PPM1L: variants seen among roughly 807,000 people sequenced by gnomAD.
PPM1L encodes protein phosphatase 1L.
Under a neutral mutation model 31.4 loss-of-function variants are expected in PPM1L, and 13 were observed. The ratio of observed to expected loss-of-function variants is 0.41; its 90% CI spans 0.27 to 0.66. The LOEUF (loss-of-function observed/expected upper bound fraction) is 0.66, where lower values mean the gene tolerates loss of function less well. Among genes scored for constraint, PPM1L ranks in the 30% least tolerant of loss-of-function variants. The probability of loss-of-function intolerance (pLI) is 0.29; values close to 1 mark genes in which losing one functional copy is unlikely to be tolerated. For synonymous variants in PPM1L, 184 were observed against 175.4 expected, an observed-to-expected ratio of 1.05 and a Z score of -0.39; for missense variants, 326 against 453.7, an observed-to-expected ratio of 0.72 and a Z score of 2.56.
At chr3:160,956,783 CTT>C (rs1234288986) in intron 1 of PPM1L, among the ~76,000 whole-genome samples, 1 of 152,212 alleles carries the variant, frequency 6.6e-6, no homozygotes, top group Non-Finnish European at 1.5e-5. Context: ...GAAAACCAGA[CTT>C]TTATTCTCTA....
In PPM1L at chr3:160,877,989, G is replaced by T. The variant is rs182024692; in HGVS notation, c.400-83747G>T. Reference sequence around the variant, plus strand: ...GTAAGCTTTCCTATGTCAGCAGCTCGATTTTACAGGCTGCTCTTTGTTAGA... The same window carrying T: ...GTAAGCTTTCCTATGTCAGCAGCTCTATTTTACAGGCTGCTCTTTGTTAGA... On this transcript the variant is annotated intron_variant, in intron 1 of 3. Transcript: ENST00000498165. Among the ~76,000 whole-genome samples, 106 of 152,298 alleles carry T rather than the reference G, an allele frequency of 7.0e-4. 1 individual carries two copies. The highest frequency in any genetic ancestry group is 3.4e-3 in the Middle Eastern group (1 of 294).
At chr3:160,867,703 G>A (rs950044874) in intron 1 of PPM1L, among the ~76,000 whole-genome samples, 3 of 152,094 alleles carry the variant, frequency 2.0e-5, no homozygotes, top group African/African-American at 7.2e-5. Flanking sequence ...TTAGAAAATA[G>A]CGATAATTTT....
chr3:160,960,558 T>TTGTGTGTG lies in PPM1L; in HGVS notation c.400-1141_400-1134dup, dbSNP rs59297068. Among the ~76,000 whole-genome samples, 13 of 145,574 alleles carry TTGTGTGTG rather than the reference T, an allele frequency of 8.9e-5. No individual in the cohort carries two copies. The South Asian group carries it at 1.1e-3, about 13-fold the overall frequency. ...TTTGTTTGTTCGTTTTTTAGCAGTT[T>TTGTGTGTG]TGTGTGTGTGTGTGTGTGTGTGTGT... On this transcript the variant is annotated intron_variant, in intron 1 of 3. Coordinates refer to ENST00000498165, the MANE Select transcript of PPM1L (RefSeq NM_139245.4).
In PPM1L at chr3:161,068,906, G is replaced by C; in HGVS notation, c.832G>C (p.Val278Leu). The change falls in exon 4 of 4, where the codon GTC becomes CTC. Residue 278 changes from valine (V) to leucine (L), a missense_variant. Val to Leu is a conservative substitution (Grantham distance 32). Transcript: ENST00000498165. ...GDYPLKNLNV[V>L]IPDPDILTFD... ...TTATCCGCTGAAAAATCTCAACGTGGTCATCCCAGACCCAGACATCCTGAC... is the reference window on the plus strand; with the variant it reads ...TTATCCGCTGAAAAATCTCAACGTGCTCATCCCAGACCCAGACATCCTGAC... The C allele has an allele frequency of 6.2e-7, 1 of 1,614,150 alleles. No individual in the cohort carries two copies. The highest frequency in any genetic ancestry group is 2.2e-5 in the East Asian group (1 of 44,878).
chr3:161,031,804 T>G (rs16831796), intron 2 of PPM1L, among the ~76,000 whole-genome samples: 1 of 151,812 alleles, frequency 6.6e-6, no homozygotes. Flanking sequence ...ACCAGACGAT[T>G]CTCTATACCT....
At chr3:160,853,928 T>C (rs1442763286) in intron 1 of PPM1L, among the ~76,000 whole-genome samples, 1 of 152,046 alleles carries the variant, frequency 6.6e-6, no homozygotes, top group African/African-American at 2.4e-5. Context: ...TAATTAACTT[T>C]TCTTTGCCTA....
chr3:161,020,807 T>C (rs1281718137), intron 2 of PPM1L, among the ~76,000 whole-genome samples: 1 of 152,152 alleles, frequency 6.6e-6, no homozygotes, highest in African/African-American at 2.4e-5. Context: ...CTTCTAAGTT[T>C]CATCTACATT....
At chr3:160,944,846 T>C (rs1296775088) in intron 1 of PPM1L, among the ~76,000 whole-genome samples, 1 of 58,978 alleles carries the variant, frequency 1.7e-5, no homozygotes, top group African/African-American at 5.4e-5. Context: ...ATATGTTATA[T>C]ATAACATATA....
intron 2 of PPM1L, among the ~76,000 whole-genome samples, chr3:161,028,726 A>G (rs1487680072): frequency 2.6e-5 from 4 of 152,146 alleles, no homozygotes; most frequent in Non-Finnish European, 5.9e-5. Context: ...ACCAACAACA[A>G]AAAGGCTCTC....
At chr3:160,977,270 C>A (rs541424666) in intron 2 of PPM1L, among the ~76,000 whole-genome samples, 9 of 152,332 alleles carry the variant, frequency 5.9e-5, no homozygotes, top group East Asian at 5.8e-4. Context: ...ACTGGAGGAG[C>A]TCCTGGATGT....
chr3:160,838,949 G>T (rs1371722177), intron 1 of PPM1L, among the ~76,000 whole-genome samples: 1 of 152,170 alleles, frequency 6.6e-6, no homozygotes, highest in East Asian at 1.9e-4. Flanking sequence ...AGTCCTTTGG[G>T]AGATAATTAG....
At chr3:160,767,206 CT>C (rs1715125725) in intron 1 of PPM1L, among the ~76,000 whole-genome samples, 1 of 151,918 alleles carries the variant, frequency 6.6e-6, no homozygotes, top group Non-Finnish European at 1.5e-5. Context: ...GTATGAGCAG[CT>C]GACAGATGAT....
rs941212322 is a variant in PPM1L at position 161,036,740 on chromosome 3, C to T, written c.575-28663C>T. ...ACTAGTCATTATCAACCTGTGGTCACCAGTCAGGGAAGTACATTCGTATTG... is the reference window on the plus strand; with the variant it reads ...ACTAGTCATTATCAACCTGTGGTCATCAGTCAGGGAAGTACATTCGTATTG... On this transcript the variant is annotated intron_variant, in intron 2 of 3. Transcript: ENST00000498165. Among the ~76,000 whole-genome samples, 4 of 152,100 alleles carry T rather than the reference C, an allele frequency of 2.6e-5. No homozygotes were observed. In the East Asian group the frequency reaches 7.7e-4, roughly 29 times the overall value.
intron 2 of PPM1L, among the ~76,000 whole-genome samples, chr3:161,062,202 G>A (rs1399984627): frequency 6.6e-6 from 1 of 151,776 alleles, no homozygotes; most frequent in Non-Finnish European, 1.5e-5. Flanking sequence ...CCTCGTCCAT[G>A]GAATGCCCAG....
intron 1 of PPM1L, among the ~76,000 whole-genome samples, chr3:160,894,322 A>G (rs1022484648): frequency 1.3e-5 from 2 of 152,232 alleles, no homozygotes; most frequent in African/African-American, 2.4e-5. Context: ...TGGGAGAAAC[A>G]TGTAAAAGTG....
chr3:161,050,972 T>G (rs1000928822), intron 2 of PPM1L, among the ~76,000 whole-genome samples: 7 of 152,230 alleles, frequency 4.6e-5, no homozygotes, highest in Non-Finnish European at 8.8e-5. Context: ...AAGTTGCTCC[T>G]TTCATTTGGT....
chr3:160,968,710 C>T (rs920978981), intron 2 of PPM1L, among the ~76,000 whole-genome samples: 1 of 152,144 alleles, frequency 6.6e-6, no homozygotes, highest in Non-Finnish European at 1.5e-5. Context: ...TTTTCTGTCA[C>T]AGGCTCAAGA....
chr3:160,911,011 T>C (rs1294517743), intron 1 of PPM1L, among the ~76,000 whole-genome samples: 1 of 152,202 alleles, frequency 6.6e-6, no homozygotes, highest in African/African-American at 2.4e-5. Flanking sequence ...TTAAAGAGCT[T>C]GACCAAACAA....
chr3:160,844,770 C>G (rs1714022098), intron 1 of PPM1L, among the ~76,000 whole-genome samples: 1 of 151,988 alleles, frequency 6.6e-6, no homozygotes, highest in South Asian at 2.1e-4. Context: ...ACAATTCACC[C>G]ATATAAAGTG....
Sources: gnomAD v4.1 joint callset for allele counts (sites outside exome capture counted in the v4.1 genomes callset) on GRCh38, gnomAD v4.1.1 for gene constraint, MANE v1.5 for transcripts, NCBI Gene and HGNC (gene_info 2026-07-23, HGNC 2026-07-21) for gene names.